The following TENM4 variants were observed in gnomAD, a reference collection of about 807,000 sequenced individuals.
The protein encoded by TENM4 is teneurin transmembrane protein 4.
Under a neutral mutation model 243.3 loss-of-function variants are expected in TENM4, and 82 were observed. The observed-to-expected ratio is 0.34, with a 90% CI of 0.28 to 0.40. TENM4 has a LOEUF of 0.40. TENM4 is among the 10% of genes least tolerant of loss of function. The pLI, the probability that TENM4 is intolerant of heterozygous loss-of-function variation, is 1.00. For missense variants in TENM4, 3,138 were observed against 3,673.3 expected (o/e 0.85, Z 3.77); for synonymous variants, 1,412 against 1,456.3 (o/e 0.97, Z 0.69).
Position 78,890,003 on chromosome 11 carries a change from G to A in TENM4, c.866C>T (p.Pro289Leu), listed in dbSNP as rs1295525615. ...GCAGAAGAGCGGGGAGGTGCCTCCA[G>A]GCTTGAAGAGGAAGTGCCTGCAGAT... The part of the protein sequence containing the change: ...AYSDGHFLFK[P>L]GGTSPLFCTT... Residue 289 changes from proline to leucine, a missense_variant, in exon 9 of 34, where the codon CCT becomes CTT. Physicochemically the swap from Pro to Leu is moderately conservative, Grantham distance 98 (BLOSUM62 -3). Coordinates refer to ENST00000278550, the MANE Select transcript of TENM4 (RefSeq NM_001098816.3). 1 of 1,541,878 alleles carries A rather than the reference G, an allele frequency of 6.5e-7. No homozygotes were observed.
In TENM4 at chr11:79,264,663, G is replaced by T. The variant is rs377010903; in HGVS notation, c.-265+32825C>A. Among the ~76,000 whole-genome samples the T allele has an allele frequency of 1.4e-4, 22 of 152,312 alleles. No homozygotes were observed. The East Asian group carries it at 2.9e-3, about 20-fold the overall frequency. ...AAACAAACAAAATCTCTGGGCCGTG[G>T]TTTCCCAGCAGTTACACGTTGGAAA... On this transcript the variant is annotated intron_variant, in intron 2 of 33. Coordinates refer to ENST00000278550, the MANE Select transcript of TENM4 (RefSeq NM_001098816.3).
chr11:78,704,157 G>GTGTATATATATATATATA (rs1201390547), intron 27 of TENM4, among the ~76,000 whole-genome samples: 30 of 70,510 alleles, frequency 4.3e-4, no homozygotes, highest in African/African-American at 1.4e-3. Flanking sequence ...ATGTATGTGT[G>GTGTATATATATATATATA]TCTATATATA....
chr11:79,077,517 AAAAC>A (rs2137019620), intron 4 of TENM4, among the ~76,000 whole-genome samples: 1 of 152,362 alleles, frequency 6.6e-6, no homozygotes, highest in South Asian at 2.1e-4. Context: ...TTTTTTAACT[AAAAC>A]AAAAATTTCA....
At chr11:79,012,040 C>T (rs967368771) in intron 6 of TENM4, among the ~76,000 whole-genome samples, 7 of 152,178 alleles carry the variant, frequency 4.6e-5, no homozygotes, top group African/African-American at 1.7e-4. Flanking sequence ...ACCCTTGGGA[C>T]AAACTGCAAT....
intron 6 of TENM4, among the ~76,000 whole-genome samples, chr11:78,959,809 T>G (rs549774295): frequency 6.6e-6 from 1 of 152,228 alleles, no homozygotes; most frequent in African/African-American, 2.4e-5. Flanking sequence ...GCCTTAGAAC[T>G]CGCAACAAAG....
intron 2 of TENM4, among the ~76,000 whole-genome samples, chr11:79,224,158 A>G (rs977687237): frequency 4.6e-5 from 7 of 152,158 alleles, no homozygotes; most frequent in African/African-American, 1.7e-4. Context: ...CCTTGTTGCT[A>G]TCAATTCTCT....
intron 15 of TENM4, among the ~76,000 whole-genome samples, chr11:78,788,302 T>A (rs1022853602): frequency 1.3e-5 from 2 of 152,238 alleles, no homozygotes; most frequent in African/African-American, 4.8e-5. Context: ...CGAGTCCCCA[T>A]GTATGTTGTG....
chr11:79,279,986 C>A (rs1856128748), intron 2 of TENM4, among the ~76,000 whole-genome samples: 1 of 152,072 alleles, frequency 6.6e-6, no homozygotes, highest in African/African-American at 2.4e-5. Flanking sequence ...CTCTTCTGTT[C>A]CCTCTGCCAT....
At chr11:79,135,665 C>CATATATGATATATCATATATGTATGAT (rs1862093102) in intron 4 of TENM4, among the ~76,000 whole-genome samples, 2 of 139,286 alleles carry the variant, frequency 1.4e-5, no homozygotes, top group Non-Finnish European at 3.0e-5. Flanking sequence ...TATACACACA[C>CATATATGATATATCATATATGTATGAT]ATATATGATA....
intron 6 of TENM4, among the ~76,000 whole-genome samples, chr11:78,945,289 C>A (rs1432101206): frequency 6.6e-6 from 1 of 152,198 alleles, no homozygotes; most frequent in Non-Finnish European, 1.5e-5. Context: ...TGTAACATTT[C>A]AAATGTTTAA....
chr11:78,741,543 G>C (rs1855930237), intron 19 of TENM4, among the ~76,000 whole-genome samples: 1 of 152,148 alleles, frequency 6.6e-6, no homozygotes, highest in Non-Finnish European at 1.5e-5. Flanking sequence ...AAAATAATTA[G>C]AAAGTAGTAA....
At chr11:78,668,494 C>A (rs1389567735) in intron 32 of TENM4, among the ~76,000 whole-genome samples, 1 of 152,010 alleles carries the variant, frequency 6.6e-6, no homozygotes, top group Non-Finnish European at 1.5e-5. Flanking sequence ...TAAAGCCATA[C>A]CTTAACCCAA....
intron 1 of TENM4, among the ~76,000 whole-genome samples, chr11:79,374,605 T>A (rs1489499751): frequency 4.6e-5 from 7 of 151,772 alleles, no homozygotes; most frequent in Non-Finnish European, 1.0e-4. Context: ...TCCTGAAGAG[T>A]TCAAAAATGA....
chr11:79,309,313 A>C (rs1345154380), intron 1 of TENM4, among the ~76,000 whole-genome samples: 1 of 152,194 alleles, frequency 6.6e-6, no homozygotes, highest in Non-Finnish European at 1.5e-5. Context: ...CTTGGGAAGG[A>C]AAAGATGAAG....
chr11:79,398,798 G>C (rs1189548081), intron 1 of TENM4, among the ~76,000 whole-genome samples: 1 of 150,766 alleles, frequency 6.6e-6, no homozygotes, highest in African/African-American at 2.4e-5. Context: ...TGAGGAGATG[G>C]AAGACAGATA....
intron 6 of TENM4, among the ~76,000 whole-genome samples, chr11:79,035,031 C>T (rs1859341645): frequency 6.6e-6 from 1 of 152,196 alleles, no homozygotes; most frequent in South Asian, 2.1e-4. Context: ...AAGTACTGCT[C>T]TAGAACATGC....
intron 1 of TENM4, among the ~76,000 whole-genome samples, chr11:79,427,991 A>G (rs143605490): frequency 9.4e-4 from 143 of 152,312 alleles, no homozygotes; most frequent in African/African-American, 3.3e-3. Flanking sequence ...CATTCACTCA[A>G]TGACAGTCTG....
At chr11:79,217,169 T>G (rs989906561) in intron 2 of TENM4, among the ~76,000 whole-genome samples, 1 of 152,126 alleles carries the variant, frequency 6.6e-6, no homozygotes, top group Non-Finnish European at 1.5e-5. Context: ...AGAAAAGAAA[T>G]TCTACCCTAC....
chr11:79,075,980 A>G (rs982657132), intron 4 of TENM4, among the ~76,000 whole-genome samples: 3 of 152,242 alleles, frequency 2.0e-5, no homozygotes, highest in Non-Finnish European at 4.4e-5. Flanking sequence ...CCTAGGGACC[A>G]TCACCATCAG....
Sources: allele counts gnomAD v4.1 joint callset (sites outside exome capture counted in the v4.1 genomes callset), GRCh38; gene constraint gnomAD v4.1.1; transcripts MANE v1.5; gene names NCBI Gene and HGNC (gene_info 2026-07-23, HGNC 2026-07-21).